The following CACNA2D3 variants were observed in gnomAD, a reference collection of about 807,000 sequenced individuals.
CACNA2D3 encodes voltage-dependent calcium channel subunit alpha-2/delta-3.
Under a neutral mutation model 160.6 loss-of-function variants are expected in CACNA2D3, and 60 were observed. The observed-to-expected ratio is 0.37, with a 90% CI of 0.30 to 0.46. The LOEUF is 0.46. Among genes scored for constraint, CACNA2D3 ranks in the 20% least tolerant of loss-of-function variants. The probability of loss-of-function intolerance (pLI) is 1.00; values close to 1 mark genes in which losing one functional copy is unlikely to be tolerated. For missense variants in CACNA2D3, 1,205 were observed against 1,365.0 expected (o/e 0.88, Z 1.85); for synonymous variants, 558 against 492.9 (o/e 1.13, Z -1.75).
chr3:54,912,377 C>T (rs1700576202), intron 27 of CACNA2D3, among the ~76,000 whole-genome samples: 1 of 152,138 alleles, frequency 6.6e-6, no homozygotes, highest in African/African-American at 2.4e-5. Context: ...CTAAAAGCAC[C>T]TGCCACAACC....
At chr3:54,452,365 C>A (rs1177282047) in intron 4 of CACNA2D3, among the ~76,000 whole-genome samples, 4 of 152,204 alleles carry the variant, frequency 2.6e-5, no homozygotes, top group African/African-American at 9.7e-5. Flanking sequence ...GTTATCTCCA[C>A]CTGGCTCTGC....
chr3:55,038,864 CTATATATATATATATATATATA>C lies in CACNA2D3; in HGVS notation c.2987+20570_2987+20591del, dbSNP rs10576329. Among the ~76,000 whole-genome samples, 79 of 99,078 alleles carry C rather than the reference CTATATATATATATATATATATA, an allele frequency of 8.0e-4. 1 individual carries two copies. The highest frequency in any genetic ancestry group is 6.2e-3 in the East Asian group (16 of 2,588). 65.0% of individuals were successfully genotyped at this position (99,078 alleles called of 152,430 possible). On this transcript the variant is annotated intron_variant, in intron 35 of 37. Coordinates refer to ENST00000474759, the MANE Select transcript of CACNA2D3 (RefSeq NM_018398.3). Reference sequence around the variant, plus strand: ...TAAGATAAGTGAAGTAGCCAGGATGCTATATATATATATATATATATATATATATATATATATATATATACAC... The same window carrying C: ...TAAGATAAGTGAAGTAGCCAGGATGCTATATATATATATATATATATACAC...
intron 3 of CACNA2D3, among the ~76,000 whole-genome samples, chr3:54,363,381 A>T (rs1303663128): frequency 6.6e-6 from 1 of 152,174 alleles, no homozygotes; most frequent in East Asian, 1.9e-4. Flanking sequence ...TGCCACTGTC[A>T]TCATATGGGG....
chr3:54,996,089 G>A (rs1575427384), intron 31 of CACNA2D3, among the ~76,000 whole-genome samples: 1 of 152,310 alleles, frequency 6.6e-6, no homozygotes, highest in East Asian at 1.9e-4. Context: ...AACACTCAGA[G>A]GTACTAACAT....
At chr3:54,877,803 G>A (rs544234454) in intron 18 of CACNA2D3, among the ~76,000 whole-genome samples, 35 of 152,214 alleles carry the variant, frequency 2.3e-4, no homozygotes, top group Admixed American at 3.3e-4. Flanking sequence ...TGGGGAATGT[G>A]AGAGGAGAAG....
chr3:54,693,170 A>G (rs922586283), intron 11 of CACNA2D3, among the ~76,000 whole-genome samples: 1 of 152,258 alleles, frequency 6.6e-6, no homozygotes, highest in Non-Finnish European at 1.5e-5. Context: ...TCATCATCTC[A>G]TAGAAAAATG....
intron 9 of CACNA2D3, among the ~76,000 whole-genome samples, chr3:54,597,118 T>C (rs185927190): frequency 6.6e-6 from 1 of 152,336 alleles, no homozygotes; most frequent in African/African-American, 2.4e-5. Context: ...CATCCCCTAC[T>C]GCAAGGTTTT....
At chr3:54,587,919 A>G (rs948960738) in intron 9 of CACNA2D3, among the ~76,000 whole-genome samples, 2 of 152,188 alleles carry the variant, frequency 1.3e-5, no homozygotes, top group African/African-American at 2.4e-5. Flanking sequence ...ATTAATATCA[A>G]TTTTACACAA....
At chr3:54,452,502 T>A (rs1026951450) in intron 4 of CACNA2D3, among the ~76,000 whole-genome samples, 2 of 152,232 alleles carry the variant, frequency 1.3e-5, no homozygotes, top group African/African-American at 2.4e-5. Flanking sequence ...GAACTCGCAC[T>A]GGAATTGTCT....
intron 2 of CACNA2D3, among the ~76,000 whole-genome samples, chr3:54,279,383 G>A (rs1304281539): frequency 2.0e-5 from 3 of 152,194 alleles, no homozygotes. Flanking sequence ...CTACTAGTAT[G>A]TATGCCCAAG....
chr3:55,056,162 T>C (rs1039851635), intron 35 of CACNA2D3, among the ~76,000 whole-genome samples: 7 of 152,116 alleles, frequency 4.6e-5, no homozygotes, highest in Non-Finnish European at 7.4e-5. Flanking sequence ...TCAACACTTT[T>C]CAAATGAAGA....
At chr3:54,253,156 G>A (rs927429086) in intron 2 of CACNA2D3, among the ~76,000 whole-genome samples, 1 of 140,306 alleles carries the variant, frequency 7.1e-6, no homozygotes, top group African/African-American at 2.7e-5. Flanking sequence ...ATACTATAAT[G>A]ACACTGTATT....
At chr3:54,332,040 A>G (rs1704270496) in intron 3 of CACNA2D3, among the ~76,000 whole-genome samples, 1 of 152,222 alleles carries the variant, frequency 6.6e-6, no homozygotes, top group Non-Finnish European at 1.5e-5. Context: ...CTACATTTGA[A>G]TATGTGGCAC....
At chr3:54,689,841 G>C (rs1700540586) in intron 11 of CACNA2D3, among the ~76,000 whole-genome samples, 1 of 152,020 alleles carries the variant, frequency 6.6e-6, no homozygotes, top group Non-Finnish European at 1.5e-5. Flanking sequence ...CAGCACAACA[G>C]CCAGAGTGAT....
rs143051812 is a variant in CACNA2D3, at chr3:54,332,880, C to T, written c.321+12322C>T. Reference sequence around the variant, plus strand: ...CTACTGTTAAGATCTAGATTTATAGCGGGCTCCCTCCCCACATGGAGTTTA... The same window carrying T: ...CTACTGTTAAGATCTAGATTTATAGTGGGCTCCCTCCCCACATGGAGTTTA... On this transcript the variant is annotated intron_variant, in intron 3 of 37. Coordinates refer to ENST00000474759, the MANE Select transcript of CACNA2D3 (RefSeq NM_018398.3). Among the ~76,000 whole-genome samples the T allele has an allele frequency of 1.7e-4, 26 of 152,180 alleles. No homozygotes were observed. In the Middle Eastern group the frequency reaches 0.01, roughly 60 times the overall value.
intron 30 of CACNA2D3, among the ~76,000 whole-genome samples, 198 bp downstream of exon 30, chr3:54,984,868 C>T (rs1475426746): frequency 6.6e-6 from 1 of 152,186 alleles, no homozygotes; most frequent in Non-Finnish European, 1.5e-5. Context: ...GTTTTTACCT[C>T]CCACTGGGGG....
At chr3:54,968,077 A>G (rs779561124) in intron 27 of CACNA2D3, among the ~76,000 whole-genome samples, 4 of 152,288 alleles carry the variant, frequency 2.6e-5, no homozygotes, top group Non-Finnish European at 5.9e-5. Flanking sequence ...AAGTTCAAAC[A>G]GTAATAGCTG....
At chr3:54,454,986 C>T (rs1700372175) in intron 4 of CACNA2D3, among the ~76,000 whole-genome samples, 1 of 152,118 alleles carries the variant, frequency 6.6e-6, no homozygotes, top group Admixed American at 6.6e-5. Context: ...TTGCTCTGTT[C>T]ATTCATCTGT....
At chr3:54,830,237 C>G (rs559207350) in intron 14 of CACNA2D3, among the ~76,000 whole-genome samples, 1 of 152,128 alleles carries the variant, frequency 6.6e-6, no homozygotes, top group South Asian at 2.1e-4. Flanking sequence ...GCCACCACGC[C>G]CAGCCCAGAT....
Sources: allele counts gnomAD v4.1 joint callset (sites outside exome capture counted in the v4.1 genomes callset), GRCh38; gene constraint gnomAD v4.1.1; transcripts MANE v1.5; gene names NCBI Gene and HGNC (gene_info 2026-07-23, HGNC 2026-07-21).